Variants in C2orf72 observed in about 807,000 individuals in gnomAD.
C2orf72 encodes the protein uncharacterized protein C2orf72.
In C2orf72, 16 loss-of-function variants were observed where a neutral mutation model predicts 14.4. The ratio of observed to expected loss-of-function variants is 1.11; its 90% CI spans 0.75 to 1.69. The LOEUF (loss-of-function observed/expected upper bound fraction) is 1.69. Among genes scored for constraint, C2orf72 ranks in the 40% most tolerant of loss-of-function variants. The pLI is 0.00. For missense variants in C2orf72, 371 were observed against 358.3 expected, an observed-to-expected ratio of 1.04 and a Z score of -0.29; for synonymous variants, 168 against 176.8, an observed-to-expected ratio of 0.95 and a Z score of 0.40.
At chr2:231,045,510 CTTTTTTTTTTTTTT>C (rs1007020692) in intron 2 of C2orf72, among the ~76,000 whole-genome samples, 11 of 87,408 alleles carry the variant, frequency 1.3e-4, no homozygotes, top group Admixed American at 3.0e-4. Context: ...GTGTTTCAAT[CTTTTTTTTTTTTTT>C]TTTTTTTTTT....
intron 1 of C2orf72, among the ~76,000 whole-genome samples, chr2:231,038,600 C>T (rs963553394): frequency 5.9e-5 from 9 of 151,850 alleles, no homozygotes; most frequent in Non-Finnish European, 8.8e-5. Context: ...TGGATGGGTG[C>T]TAAGGAGATT....
intron 2 of C2orf72, among the ~76,000 whole-genome samples, chr2:231,044,239 C>T (rs796675167): frequency 4.6e-5 from 7 of 152,198 alleles, no homozygotes; most frequent in African/African-American, 1.4e-4. Context: ...GCACTACTGT[C>T]GACTATATAA....
rs1693289058 is a variant in C2orf72 at position 231,038,313 on chromosome 2, G to C, written c.634+114G>C. ...GAGCACCGAGGTAAACTGAGGCTCA[G>C]AGCAGGGAGGTGCCTAGAGCCAGGC... On this transcript the variant is annotated intron_variant, in intron 1 of 2. Coordinates refer to ENST00000373640, the MANE Select transcript of C2orf72 (RefSeq NM_001144994.2). 1.2e-5 allele frequency: 10 copies of C among 856,754 alleles called. No individual in the cohort carries two copies. In the South Asian group the frequency reaches 5.8e-4, roughly 49 times the overall value. 53.1% of individuals were successfully genotyped at this position (856,754 alleles called of 1,614,324 possible).
chr2:231,046,599 T>C (rs1693419288), intron 2 of C2orf72, among the ~76,000 whole-genome samples: 1 of 152,122 alleles, frequency 6.6e-6, no homozygotes, highest in South Asian at 2.1e-4. Context: ...AGGTTTGCTC[T>C]TTCTCTCTGT....
chr2:231,041,086 G>C, intron 1 of C2orf72: 1 of 478,268 alleles, frequency 2.1e-6, no homozygotes, highest in Non-Finnish European at 3.7e-6. Flanking sequence ...AGAATTAAAT[G>C]AGATAACATA....
chr2:231,046,827 AACTC>A (rs1271536516), intron 2 of C2orf72, 51 bp from the exon 3 acceptor site: 5 of 1,495,254 alleles, frequency 3.3e-6, no homozygotes, highest in African/African-American at 1.4e-5. Flanking sequence ...CTTCCTAGAT[AACTC>A]ACTCACAACC....
chr2:231,040,333 G>A (rs1693324608), intron 1 of C2orf72, among the ~76,000 whole-genome samples: 1 of 152,132 alleles, frequency 6.6e-6, no homozygotes, highest in African/African-American at 2.4e-5. Flanking sequence ...CTGATACCCT[G>A]CCTGGCATGC....
rs1574692058 is a variant in C2orf72 at position 231,047,926 on chromosome 2, C to T, written c.*905C>T. 1 of 152,372 alleles carries T rather than the reference C, an allele frequency of 6.6e-6. No homozygotes were observed. Among genetic ancestry groups the T allele is most frequent in the African/African-American group, 2.4e-5 (1 of 41,462 alleles). 9.4% of individuals were successfully genotyped at this position (152,372 alleles called of 1,614,324 possible). A position where few individuals can be genotyped will look rare whatever the true frequency, so the allele number is the denominator to read the frequency against. On this transcript the variant is annotated 3_prime_UTR_variant, in exon 3 of 3. Transcript: ENST00000373640. ...TCATGTTGACATCGACTTTCTGTGC[C>T]AAGTCCTTTGGGTATAAGGATGCTA... is the stretch of plus-strand genomic sequence containing the variant.
chr2:231,039,321 TAA>T (rs11462715), intron 1 of C2orf72, among the ~76,000 whole-genome samples: 4,075 of 126,790 alleles, frequency 0.032, 156 homozygotes, highest in African/African-American at 0.091. Context: ...CTTAAAGTAT[TAA>T]AAAAAAAAAA....
rs1693426163 is a variant in C2orf72 at position 231,046,998 on chromosome 2, G to C, written c.865G>C (p.Glu289Gln). Residue 289 changes from glutamate (E) to glutamine (Q), a missense_variant, in exon 3 of 3, where the codon GAG (glutamate) becomes CAG (glutamine). Physicochemically the swap from Glu to Gln is conservative, Grantham distance 29 (BLOSUM62 2). Around this residue, in one of 3 missense-constraint regions of C2orf72, gnomAD observed 145 missense variants for 149.4 expected, o/e 0.97. Transcript: ENST00000373640. ...TGATGGAGTCGTACACACTCCTGCT[G>C]AGCCCACCGGAGACTCAAGATGAAG... is the stretch of plus-strand genomic sequence containing the variant. ...ACDGVVHTPAEPTGDSR is the reference protein window; with the variant it reads ...ACDGVVHTPAQPTGDSR 1 of 1,551,654 alleles carries C rather than the reference G, an allele frequency of 6.4e-7. No individual in the cohort carries two copies. Among genetic ancestry groups the C allele is most frequent in the Non-Finnish European group, 8.7e-7 (1 of 1,146,984 alleles).
Position 231,037,832 on chromosome 2 carries a change from T to TGGGGCGGCG in C2orf72, c.278_286dup (p.Gly93_Ala95dup), listed in dbSNP as rs1286814159. 6.4e-5 allele frequency: 62 copies of TGGGGCGGCG among 967,434 alleles called. No homozygotes were observed. The highest frequency in any genetic ancestry group is 5.9e-4 in the East Asian group (5 of 8,458). The allele number at this position is 967,434 out of a possible 1,614,324, so 59.9% of individuals were successfully genotyped here. On this transcript the variant is annotated inframe_insertion, in exon 1 of 3. Transcript: ENST00000373640. The stretch of plus-strand genomic sequence containing the variant: ...GGGCGCAGAGGGCGGCGAGGGCGGC[T>TGGGGCGGCG]GGGGCGGCGGGGGCGGCGGCGGCGG...
chr2:231,039,432 C>T (rs918432446), intron 1 of C2orf72, among the ~76,000 whole-genome samples: 2 of 151,850 alleles, frequency 1.3e-5, no homozygotes, highest in African/African-American at 4.8e-5. Flanking sequence ...TCAAGCCCTC[C>T]AGCCCCTTCC....
intron 2 of C2orf72, 99 bp downstream of exon 2, chr2:231,041,508 C>T (rs1289992203): frequency 1.2e-6 from 1 of 866,604 alleles, no homozygotes; most frequent in Non-Finnish European, 1.8e-6. Context: ...AGTGGACCAA[C>T]ATCTATGGAG....
chr2:231,048,612 C>G lies in C2orf72; in HGVS notation c.*1591C>G, dbSNP rs548478887. On this transcript the variant is annotated 3_prime_UTR_variant, in exon 3 of 3. Transcript: ENST00000373640. ...TGATATTAAGAAGGGGCCCTTCCTG[C>G]TCTGTGCCTCAACCTATTCTCCATA... is the stretch of plus-strand genomic sequence containing the variant. The G allele has an allele frequency of 6.6e-6, 1 of 152,496 alleles. No individual in the cohort carries two copies. Among genetic ancestry groups the G allele is most frequent in the African/African-American group, 2.4e-5 (1 of 41,572 alleles). 9.4% of individuals were successfully genotyped at this position (152,496 alleles called of 1,614,324 possible).
In C2orf72 at chr2:231,047,041, T is replaced by C. The variant is rs746448310; in HGVS notation, c.*20T>C. The C allele has an allele frequency of 4.7e-5, 73 of 1,551,424 alleles. No homozygotes were observed. Among genetic ancestry groups the C allele is most frequent in the Non-Finnish European group, 6.1e-5 (70 of 1,146,970 alleles). On this transcript the variant is annotated 3_prime_UTR_variant, in exon 3 of 3. Transcript: ENST00000373640. ...AGATGAAGGCTGGACCCTTGCGCTG[T>C]CCCTGGCTCTAACCTACAGACTGGG...
chr2:231,037,668 C>T lies in C2orf72; in HGVS notation c.103C>T (p.Leu35=). Residue 35 remains leucine, a synonymous_variant, in exon 1 of 3, where the codon CTG becomes TTG. Transcript: ENST00000373640. ...EAAGGRGQVL[L]VGELWEREQS... is the part of the protein sequence containing the mutation. ...GGCGGGGGGCCGCGGGCAGGTGCTG[C>T]TGGTGGGCGAGCTGTGGGAGCGCGA... is the stretch of plus-strand genomic sequence containing the variant. 1 of 1,108,278 alleles carries T rather than the reference C, an allele frequency of 9.0e-7. No homozygotes were observed. Among genetic ancestry groups the T allele is most frequent in the Non-Finnish European group, 1.1e-6 (1 of 905,864 alleles). 68.7% of individuals were successfully genotyped at this position (1,108,278 alleles called of 1,614,324 possible).
chr2:231,044,196 G>A (rs1307048990), intron 2 of C2orf72, among the ~76,000 whole-genome samples: 2 of 152,204 alleles, frequency 1.3e-5, no homozygotes, highest in Admixed American at 6.5e-5. Flanking sequence ...CGAGTGAGTG[G>A]TGAGTGAATG....
Position 231,047,443 on chromosome 2 carries a change from CT to C in C2orf72, c.*424del, listed in dbSNP as rs1317395814. The C allele has an allele frequency of 6.0e-6, 2 of 332,992 alleles. No individual in the cohort carries two copies. The highest frequency in any genetic ancestry group is 1.2e-5 in the Non-Finnish European group (2 of 167,448). The allele number at this position is 332,992 out of a possible 1,614,324, so 20.6% of individuals were successfully genotyped here. A position where few individuals can be genotyped will look rare whatever the true frequency, so the allele number is the denominator to read the frequency against. On this transcript the variant is annotated 3_prime_UTR_variant, in exon 3 of 3. Transcript: ENST00000373640. ...GAAGTCATCAGAGCTGAGGCATGGC[CT>C]TGAACATGTCACTCAGTCTCTGGGG... is the stretch of plus-strand genomic sequence containing the variant.
In C2orf72 at chr2:231,037,569, G is replaced by T. The variant is rs1302165552; in HGVS notation, c.4G>T (p.Glu2Ter). 1.3e-5 allele frequency: 14 copies of T among 1,037,644 alleles called. No homozygotes were observed. Among genetic ancestry groups the T allele is most frequent in the Non-Finnish European group, 1.6e-5 (14 of 866,218 alleles). The allele number at this position is 1,037,644 out of a possible 1,614,324, so 64.3% of individuals were successfully genotyped here. A position where few individuals can be genotyped will look rare whatever the true frequency, so the allele number is the denominator to read the frequency against. M[E>*]RELEALAARL... is the part of the protein sequence containing the mutation. ...CAGAGGGCGGGCGGCGGCCAGCATG[G>T]AGCGCGAGCTGGAGGCGCTGGCGGC... The change falls in exon 1 of 3, where the codon GAG becomes TAG. Residue 2 changes from glutamate (E) to a stop codon, truncating the protein, a stop_gained. Transcript: ENST00000373640. LOFTEE classifies it high-confidence loss of function.
Sources: allele counts gnomAD v4.1 joint callset (sites outside exome capture counted in the v4.1 genomes callset), GRCh38; gene constraint gnomAD v4.1.1; regional missense constraint gnomAD v4.1.1; transcripts MANE v1.5; gene names NCBI Gene and HGNC (gene_info 2026-07-23, HGNC 2026-07-21).